The following ESR2 variants were observed in gnomAD, a reference collection of about 807,000 sequenced individuals.
ESR2 encodes the protein estrogen receptor 2, also known as estrogen receptor beta.
A neutral mutation model predicts 49.6 loss-of-function variants in ESR2; 36 were observed. That is an observed-to-expected ratio of 0.73 (90% CI 0.56 to 0.96). The LOEUF (loss-of-function observed/expected upper bound fraction) is 0.96, where lower values mean the gene tolerates loss of function less well. ESR2 is among the 40% of genes least tolerant of loss of function. The pLI is 0.00. For synonymous variants in ESR2, 320 were observed against 266.1 expected (o/e 1.20, Z -1.97); for missense variants, 714 against 693.0 (o/e 1.03, Z -0.34).
chr14:64,337,220 G>A (rs1021841847), intron 1 of ESR2, among the ~76,000 whole-genome samples: 16 of 152,372 alleles, frequency 1.1e-4, no homozygotes, highest in African/African-American at 3.6e-4. Context: ...GAGAGATAAA[G>A]CATCTGGGTT....
In ESR2 at chr14:64,262,110, CTTTT is replaced by C. The variant is rs869146485; in HGVS notation, c.653-1366_653-1363del. Among the ~76,000 whole-genome samples the C allele has an allele frequency of 5.9e-5, 8 of 136,154 alleles. 1 individual carries two copies. The highest frequency in any genetic ancestry group is 4.5e-4 in the Admixed American group (6 of 13,440). The allele number at this position is 136,154 out of a possible 152,430, so 89.3% of individuals were successfully genotyped here. ...TTTATATGCTTGTTCTTTGGATTTA[CTTTT>C]TTTTTTTTTTTTTTAAGAGACAAGG... On this transcript the variant is annotated intron_variant, in intron 4 of 8. Coordinates refer to ENST00000341099, the MANE Select transcript of ESR2 (RefSeq NM_001437.3).
intron 6 of ESR2, among the ~76,000 whole-genome samples, chr14:64,254,320 T>G (rs2076053052): frequency 6.6e-6 from 1 of 152,166 alleles, no homozygotes; most frequent in Non-Finnish European, 1.5e-5. Context: ...ACTCCTGACT[T>G]TTTGAATGAG....
At chr14:64,242,019 C>T (rs1392012595) in intron 7 of ESR2, among the ~76,000 whole-genome samples, 1 of 152,236 alleles carries the variant, frequency 6.6e-6, no homozygotes, top group South Asian at 2.1e-4. Flanking sequence ...CATAGGTGCC[C>T]TTTAATGGAT....
intron 1 of ESR2, among the ~76,000 whole-genome samples, chr14:64,305,446 G>A (rs879644046): frequency 1.4e-4 from 22 of 151,796 alleles, no homozygotes; most frequent in African/African-American, 2.9e-4. Context: ...CAAGGCGGGC[G>A]GATCACGAGG....
chr14:64,273,631 G>C (rs12435278), intron 3 of ESR2, among the ~76,000 whole-genome samples: 1,565 of 152,244 alleles, frequency 0.01, 58 homozygotes, highest in East Asian at 0.086. Flanking sequence ...AACCATCCTT[G>C]CATCCCTGGG....
At chr14:64,261,856 ATCC>A (rs946737379) in intron 4 of ESR2, among the ~76,000 whole-genome samples, 5 of 152,062 alleles carry the variant, frequency 3.3e-5, no homozygotes, top group Admixed American at 3.3e-4. Flanking sequence ...GACTCAAGCA[ATCC>A]TCCTGCCTCA....
At chr14:64,305,007 G>C (rs921225061) in intron 1 of ESR2, among the ~76,000 whole-genome samples, 2 of 151,910 alleles carry the variant, frequency 1.3e-5, no homozygotes, top group South Asian at 2.1e-4. Flanking sequence ...AAATTAATAG[G>C]CGGCCAGGCG....
chr14:64,333,309 GC>G (rs1170669276), intron 1 of ESR2, among the ~76,000 whole-genome samples: 9 of 152,024 alleles, frequency 5.9e-5, no homozygotes, highest in Non-Finnish European at 1.3e-4. Context: ...AGTCCTGCTT[GC>G]CTCTTTTAAG....
At position 64,256,761 on chromosome 14, in the gene ESR2, C is replaced by CA. The variant is rs1209380424; in HGVS notation, c.1091+464dup. Among the ~76,000 whole-genome samples, 315 of 149,062 alleles carry CA rather than the reference C, an allele frequency of 2.1e-3. 2 individuals are homozygous for CA. The highest frequency in any genetic ancestry group is 9.8e-4 in the Non-Finnish European group (66 of 67,094). On this transcript the variant is annotated intron_variant, in intron 6 of 8. Transcript: ENST00000341099. ...AAACAAAAAACAAAACAAAACAAAA[C>CA]AAAAAAAAACAAAAGAGTGAGTTAA...
At chr14:64,303,241 CT>C (rs1438729449) in intron 1 of ESR2, among the ~76,000 whole-genome samples, 1 of 152,204 alleles carries the variant, frequency 6.6e-6, no homozygotes, top group African/African-American at 2.4e-5. Context: ...AGGTCGGCTT[CT>C]TTTTTCAAAC....
At chr14:64,246,756 A>C (rs983078275) in intron 7 of ESR2, among the ~76,000 whole-genome samples, 15 of 148,606 alleles carry the variant, frequency 1.0e-4, no homozygotes, top group Admixed American at 6.0e-4. Flanking sequence ...AAAAAAAAAA[A>C]AAAAAAAAAA....
chr14:64,279,880 G>A lies in ESR2; in HGVS notation c.535+101C>T, dbSNP rs1460505598. Reference sequence around the variant, plus strand: ...GAACTGCTCATCAAATACTTTGTGTGCCAAACAGGCCAGTAGTGACATTTC... The same window carrying A: ...GAACTGCTCATCAAATACTTTGTGTACCAAACAGGCCAGTAGTGACATTTC... On this transcript the variant is annotated intron_variant, in intron 3 of 8. Transcript: ENST00000341099. The A allele has an allele frequency of 5.4e-6, 5 of 933,784 alleles. No individual in the cohort carries two copies. The African/African-American group carries it at 8.2e-5, about 15-fold the overall frequency. The allele number at this position is 933,784 out of a possible 1,614,324, so 57.8% of individuals were successfully genotyped here.
At chr14:64,319,341 A>G (rs2077298064) in intron 1 of ESR2, among the ~76,000 whole-genome samples, 1 of 152,188 alleles carries the variant, frequency 6.6e-6, no homozygotes. Flanking sequence ...ACAACGTAGG[A>G]GAAAATGTAA....
chr14:64,275,221 AGTCT>A (rs2076534236), intron 3 of ESR2, among the ~76,000 whole-genome samples: 1 of 152,214 alleles, frequency 6.6e-6, no homozygotes, highest in Admixed American at 6.5e-5. Context: ...TTACCATATC[AGTCT>A]GTCTCTCTCT....
intron 1 of ESR2, among the ~76,000 whole-genome samples, chr14:64,327,565 G>A (rs777714137): frequency 6.6e-6 from 1 of 151,920 alleles, no homozygotes; most frequent in African/African-American, 2.4e-5. Context: ...GTGTGGTGAC[G>A]GGCTCCTGTA....
At chr14:64,316,194 T>C (rs2077253121) in intron 1 of ESR2, among the ~76,000 whole-genome samples, 1 of 150,596 alleles carries the variant, frequency 6.6e-6, no homozygotes, top group Admixed American at 6.6e-5. Context: ...TTTTTTTCTG[T>C]AGAGACAGGG....
chr14:64,267,833 G>A (rs751204979), intron 4 of ESR2, among the ~76,000 whole-genome samples: 30 of 149,452 alleles, frequency 2.0e-4, no homozygotes, highest in Non-Finnish European at 4.1e-4. Flanking sequence ...GTAGTGGGCT[G>A]AGAATGGGCC....
In ESR2 at chr14:64,269,001, G is replaced by C. The variant is rs150463831; in HGVS notation, c.536-90C>G. ...TCAACAACACTGATAACACTTTCCA[G>C]CTGAGAGATAGGGGACATCTTCTTA... On this transcript the variant is annotated intron_variant, in intron 3 of 8. Transcript: ENST00000341099. The C allele has an allele frequency of 3.2e-5, 25 of 783,304 alleles. 1 individual carries two copies. The highest frequency in any genetic ancestry group is 3.1e-4 in the African/African-American group (18 of 58,718). 48.5% of individuals were successfully genotyped at this position (783,304 alleles called of 1,614,324 possible).
chr14:64,227,436 A>T, downstream of ESR2: 5 of 1,404,966 alleles, frequency 3.6e-6, no homozygotes, highest in Non-Finnish European at 4.9e-6. Flanking sequence ...TCTTTCTTTA[A>T]AATTATTTTT....
Sources: gnomAD v4.1 joint callset for allele counts (sites outside exome capture counted in the v4.1 genomes callset) on GRCh38, gnomAD v4.1.1 for gene constraint, MANE v1.5 for transcripts, NCBI Gene and HGNC (gene_info 2026-07-23, HGNC 2026-07-21) for gene names.